The following LRP1B variants were observed in gnomAD, a reference collection of about 807,000 sequenced individuals.
The protein encoded by LRP1B is LDL receptor related protein 1B.
LRP1B carries 217 observed loss-of-function variants against 556.6 expected under a neutral mutation model. That is an observed-to-expected ratio of 0.39 (90% CI 0.35 to 0.44). The LOEUF (loss-of-function observed/expected upper bound fraction) is 0.44, where lower values mean the gene tolerates loss of function less well. Ranked by LOEUF, LRP1B falls within the 20% of genes least tolerant of loss-of-function variation. The pLI, the probability that LRP1B is intolerant of heterozygous loss-of-function variation, is 1.00. For missense variants in LRP1B, 5,053 were observed against 5,620.8 expected (o/e 0.90, Z 3.23); for synonymous variants, 2,047 against 1,865.8 (o/e 1.10, Z -2.50).
chr2:141,395,455 G>T (rs1690207522), intron 3 of LRP1B, among the ~76,000 whole-genome samples: 1 of 152,140 alleles, frequency 6.6e-6, no homozygotes, highest in Non-Finnish European at 1.5e-5. Flanking sequence ...ATACCAGACA[G>T]ATATACCAGA....
intron 43 of LRP1B, among the ~76,000 whole-genome samples, chr2:140,562,774 C>T (rs1680978532): frequency 6.6e-6 from 1 of 152,008 alleles, no homozygotes; most frequent in Non-Finnish European, 1.5e-5. Flanking sequence ...GCATGCACCA[C>T]CACACCTATT....
chr2:142,022,816 G>A (rs545365011), intron 1 of LRP1B, among the ~76,000 whole-genome samples: 2 of 152,208 alleles, frequency 1.3e-5, no homozygotes, highest in Admixed American at 1.3e-4. Flanking sequence ...GGTTACAGGT[G>A]CGTGCCATCA....
chr2:141,871,297 C>T (rs1012369178), intron 1 of LRP1B, among the ~76,000 whole-genome samples: 6 of 151,948 alleles, frequency 3.9e-5, no homozygotes, highest in African/African-American at 1.4e-4. Context: ...TAAAATTATG[C>T]TTTTTAAAAA....
At position 141,294,749 on chromosome 2, in the gene LRP1B, A is replaced by AAAG. The variant is rs1553489669; in HGVS notation, c.344-40109_344-40108insCTT. On this transcript the variant is annotated intron_variant, in intron 3 of 90. Transcript: ENST00000389484. Reference sequence around the variant, plus strand: ...AATGAGATTCTGTCTCAAAAAAAAAAAAAATAGAAACCTAAAACAAAAATT... The same window carrying AAAG: ...AATGAGATTCTGTCTCAAAAAAAAAAAAGAAAATAGAAACCTAAAACAAAAATT... 3.3e-5 allele frequency among the ~76,000 whole-genome samples: 5 copies of AAAG among 151,252 alleles called. 1 individual carries two copies. Among genetic ancestry groups the AAAG allele is most frequent in the African/African-American group, 1.2e-4 (5 of 41,260 alleles).
At chr2:140,270,099 G>C (rs1368048402) in intron 86 of LRP1B, 143 bp downstream of exon 86, 2 of 605,160 alleles carry the variant, frequency 3.3e-6, no homozygotes, top group Admixed American at 5.6e-5. Context: ...CAGCACATGA[G>C]CTGATGAGGG....
chr2:142,083,936 ATATTT>A (rs1705814322), intron 1 of LRP1B, among the ~76,000 whole-genome samples: 1 of 151,582 alleles, frequency 6.6e-6, no homozygotes, highest in Non-Finnish European at 1.5e-5. Context: ...CTTCTGTGCT[ATATTT>A]TATATTTTCC....
At chr2:140,990,560 TAA>T (rs34990139) in intron 16 of LRP1B, among the ~76,000 whole-genome samples, 7 of 148,566 alleles carry the variant, frequency 4.7e-5, no homozygotes, top group South Asian at 2.1e-4. Flanking sequence ...CTGTATTACT[TAA>T]AAAAAAAAAA....
In LRP1B at chr2:141,254,559, A is replaced by G; in HGVS notation, c.426T>C (p.Asp142=). 1.2e-6 allele frequency: 2 copies of G among 1,612,076 alleles called. No homozygotes were observed. The highest frequency in any genetic ancestry group is 1.7e-6 in the Non-Finnish European group (2 of 1,178,694). Residue 142 remains aspartate, a synonymous_variant, in exon 4 of 91, where the codon GAT becomes GAC. Transcript: ENST00000389484. ...TCCCATCTTCTGTTATTTCGAATCC[A>G]TCCTCACAGTAACATCTTGTACTAT... ...VRNSTRCYCE[D]GFEITEDGRS...
chr2:141,883,810 C>T (rs1330262581), intron 1 of LRP1B, among the ~76,000 whole-genome samples: 1 of 152,096 alleles, frequency 6.6e-6, no homozygotes, highest in Non-Finnish European at 1.5e-5. Context: ...CAACATTCTC[C>T]AAGCCAGTAG....
chr2:140,401,558 C>T (rs1684503331), intron 66 of LRP1B, among the ~76,000 whole-genome samples: 1 of 152,194 alleles, frequency 6.6e-6, no homozygotes, highest in Admixed American at 6.5e-5. Flanking sequence ...GAGATAGGCC[C>T]TGCCTGGCTA....
At chr2:140,769,714 T>C (rs957776459) in intron 34 of LRP1B, among the ~76,000 whole-genome samples, 1 of 151,952 alleles carries the variant, frequency 6.6e-6, no homozygotes, top group African/African-American at 2.4e-5. Context: ...GCCTACCTCA[T>C]CTCTCAACCA....
intron 15 of LRP1B, among the ~76,000 whole-genome samples, chr2:141,002,372 A>G (rs1697449943): frequency 6.6e-6 from 1 of 152,082 alleles, no homozygotes; most frequent in Non-Finnish European, 1.5e-5. Flanking sequence ...TGCTGTTTAC[A>G]TAAAAAAGTA....
chr2:141,974,496 C>G (rs1017280407), intron 1 of LRP1B, among the ~76,000 whole-genome samples: 2 of 151,910 alleles, frequency 1.3e-5, no homozygotes, highest in Non-Finnish European at 2.9e-5. Context: ...ACCAGTTAAA[C>G]AGTACGGGTT....
At chr2:141,202,711 C>T (rs1682088304) in intron 6 of LRP1B, among the ~76,000 whole-genome samples, 1 of 150,274 alleles carries the variant, frequency 6.7e-6, no homozygotes. Context: ...CACGTTACAT[C>T]TTTTTTGAGA....
intron 2 of LRP1B, among the ~76,000 whole-genome samples, chr2:141,492,385 A>G (rs10928108): frequency 0.91 from 139,180 of 152,150 alleles, 64,087 homozygotes; most frequent in East Asian, 1. Flanking sequence ...AAAACAAAAA[A>G]TATCTTTCTG....
chr2:141,423,288 A>T lies in LRP1B; in HGVS notation c.343+57108T>A, dbSNP rs1680213560. ...TGCCCTCTCACTAGGCAACAGCCAG[A>T]GCTTTTTTTTTTTTTTTTTTTTTTT... On this transcript the variant is annotated intron_variant, in intron 3 of 90. Transcript: ENST00000389484. 2.7e-5 allele frequency among the ~76,000 whole-genome samples: 3 copies of T among 111,720 alleles called. 1 individual carries two copies. The highest frequency in any genetic ancestry group is 2.0e-4 in the Admixed American group (2 of 9,890). 73.3% of individuals were successfully genotyped at this position (111,720 alleles called of 152,430 possible).
rs558232259 is a variant in LRP1B at position 141,647,938 on chromosome 2, A to T, written c.205+162341T>A. ...TAGAGAACCAAAAAATAAGAAAAAA[A>T]ATTTTTTAATCTACATAAAACAGAA... On this transcript the variant is annotated intron_variant, in intron 2 of 90. Coordinates refer to ENST00000389484, the MANE Select transcript of LRP1B (RefSeq NM_018557.3). Among the ~76,000 whole-genome samples, 11 of 152,130 alleles carry T rather than the reference A, an allele frequency of 7.2e-5. 1 individual carries two copies. The South Asian group carries it at 8.3e-4, about 11-fold the overall frequency.
At chr2:142,086,589 C>A (rs1367263887) in intron 1 of LRP1B, among the ~76,000 whole-genome samples, 1 of 150,012 alleles carries the variant, frequency 6.7e-6, no homozygotes, top group Non-Finnish European at 1.5e-5. Flanking sequence ...TCCAGCCTGG[C>A]GACAGAGCAA....
In LRP1B at chr2:141,018,629, C is replaced by G. The variant is rs184184013; in HGVS notation, c.1970+1293G>C. On this transcript the variant is annotated intron_variant, in intron 12 of 90. Coordinates refer to ENST00000389484, the MANE Select transcript of LRP1B (RefSeq NM_018557.3). ...CTTGGGCACAACAAAGACTCTTTAG[C>G]TCTATCAGAAAACATTTTCTCTAAC... 2.2e-4 allele frequency among the ~76,000 whole-genome samples: 33 copies of G among 152,170 alleles called. No individual in the cohort carries two copies. In the East Asian group the frequency reaches 5.8e-3, roughly 27 times the overall value.
Sources: gnomAD v4.1 joint callset for allele counts (sites outside exome capture counted in the v4.1 genomes callset) on GRCh38, gnomAD v4.1.1 for gene constraint, MANE v1.5 for transcripts, NCBI Gene and HGNC (gene_info 2026-07-23, HGNC 2026-07-21) for gene names.